ANKFN1: variants seen among roughly 807,000 people sequenced by gnomAD.
The protein encoded by ANKFN1 is ankyrin repeat and fibronectin type-III domain-containing protein 1.
Under a neutral mutation model 108.7 loss-of-function variants are expected in ANKFN1, and 74 were observed. That is an observed-to-expected ratio of 0.68 (90% CI 0.56 to 0.83). The LOEUF (loss-of-function observed/expected upper bound fraction) is 0.83. ANKFN1 is among the 40% of genes least tolerant of loss of function. The probability of loss-of-function intolerance (pLI) is 0.00; values close to 1 mark genes in which losing one functional copy is unlikely to be tolerated. For missense variants in ANKFN1, 1,505 were observed against 1,382.3 expected (o/e 1.09, Z -1.41); for synonymous variants, 547 against 516.2 (o/e 1.06, Z -0.81).
intron 4 of ANKFN1, among the ~76,000 whole-genome samples, chr17:56,071,050 C>T (rs986183251): frequency 1.3e-5 from 2 of 152,186 alleles, no homozygotes; most frequent in East Asian, 3.9e-4. Flanking sequence ...GCATTTTTAA[C>T]ATTTTTGACT....
chr17:56,124,388 T>C (rs1281758002), intron 4 of ANKFN1, among the ~76,000 whole-genome samples: 1 of 152,220 alleles, frequency 6.6e-6, no homozygotes, highest in Non-Finnish European at 1.5e-5. Context: ...TATACGCCAC[T>C]GTAGCATATA....
intron 14 of ANKFN1, among the ~76,000 whole-genome samples, chr17:56,464,437 A>T (rs990778158): frequency 6.6e-6 from 1 of 152,216 alleles, no homozygotes; most frequent in Admixed American, 6.5e-5. Flanking sequence ...GGACACAGAG[A>T]CACAAAGATG....
chr17:56,393,889 G>T (rs969143767), intron 8 of ANKFN1, among the ~76,000 whole-genome samples: 17 of 152,188 alleles, frequency 1.1e-4, no homozygotes, highest in Non-Finnish European at 1.8e-4. Flanking sequence ...TCCTAGCCAA[G>T]CAGTGCAGGA....
At chr17:56,300,358 T>C (rs141758474) in intron 3 of ANKFN1, among the ~76,000 whole-genome samples, 70 of 152,310 alleles carry the variant, frequency 4.6e-4, no homozygotes, top group African/African-American at 1.6e-3. Flanking sequence ...AAGTTATTTC[T>C]CAGGAGTTGG....
chr17:56,390,919 C>T (rs1413869829), intron 8 of ANKFN1, among the ~76,000 whole-genome samples: 5 of 151,932 alleles, frequency 3.3e-5, no homozygotes, highest in East Asian at 1.9e-4. Context: ...ACCTTTTCTT[C>T]GAAGTAATAT....
At chr17:56,220,872 G>A (rs868215349) in intron 2 of ANKFN1, among the ~76,000 whole-genome samples, 9 of 54,844 alleles carry the variant, frequency 1.6e-4, no homozygotes, top group South Asian at 7.5e-4. Flanking sequence ...GGAAGGAAGG[G>A]AGGGAGGGAG....
intron 3 of ANKFN1, among the ~76,000 whole-genome samples, chr17:56,236,628 G>A (rs1598285210): frequency 6.6e-6 from 1 of 152,088 alleles, no homozygotes; most frequent in East Asian, 1.9e-4. Context: ...GAATCAGGTG[G>A]TCTGCAAACA....
At chr17:56,240,296 C>G (rs192966587) in intron 3 of ANKFN1, among the ~76,000 whole-genome samples, 22 of 152,160 alleles carry the variant, frequency 1.4e-4, no homozygotes, top group African/African-American at 4.3e-4. Flanking sequence ...TGATACCAAG[C>G]CATATGTGCC....
At chr17:56,263,200 T>C (rs1323120968) in intron 3 of ANKFN1, among the ~76,000 whole-genome samples, 1 of 152,188 alleles carries the variant, frequency 6.6e-6, no homozygotes, top group African/African-American at 2.4e-5. Flanking sequence ...ACAGTTTACA[T>C]AGGCAGCCTG....
In ANKFN1 at chr17:56,482,397, G is replaced by C. The variant is rs1330943563; in HGVS notation, c.2133G>C (p.Met711Ile). 5.0e-5 allele frequency: 81 copies of C among 1,612,192 alleles called. No individual in the cohort carries two copies. Among genetic ancestry groups the C allele is most frequent in the Non-Finnish European group, 6.7e-5 (79 of 1,179,132 alleles). The change falls in exon 18 of 21, where the codon ATG becomes ATC. Residue 711 changes from methionine to isoleucine, a missense_variant. Transcript: ENST00000682825. ...TCTACACACAGGAGGTGTTGGAAAT[G>C]GGTCACAATGTGTCCTTTCTTCTCC... is the stretch of plus-strand genomic sequence containing the variant. The part of the protein sequence containing the change: ...FRLYTQEVLE[M>I]GHNVSFLLLL...
At chr17:56,277,872 C>T (rs191114930) in intron 3 of ANKFN1, among the ~76,000 whole-genome samples, 4 of 152,208 alleles carry the variant, frequency 2.6e-5, no homozygotes, top group South Asian at 2.1e-4. Context: ...TACAGTATTT[C>T]GAATAATGAG....
chr17:56,404,919 T>A (rs1272504785), intron 8 of ANKFN1, among the ~76,000 whole-genome samples: 1 of 152,244 alleles, frequency 6.6e-6, no homozygotes, highest in Admixed American at 6.5e-5. Flanking sequence ...CTGCAGTGAT[T>A]GTTGTCTCTC....
chr17:56,075,670 G>A (rs1905173125), intron 4 of ANKFN1, among the ~76,000 whole-genome samples: 1 of 152,062 alleles, frequency 6.6e-6, no homozygotes, highest in African/African-American at 2.4e-5. Context: ...CCTGATCAAA[G>A]GCCTATTAGT....
chr17:56,311,651 G>A (rs1028305814), intron 3 of ANKFN1, among the ~76,000 whole-genome samples: 1 of 152,200 alleles, frequency 6.6e-6, no homozygotes, highest in Non-Finnish European at 1.5e-5. Flanking sequence ...CTGTGATAGT[G>A]ATACTTTTGC....
At chr17:56,483,710 A>G (rs1568040095) in intron 18 of ANKFN1, among the ~76,000 whole-genome samples, 2 of 152,054 alleles carry the variant, frequency 1.3e-5, no homozygotes, top group African/African-American at 2.4e-5. Flanking sequence ...TGGCCATACC[A>G]CTCCCAAGAG....
chr17:56,404,588 G>T lies in ANKFN1; in HGVS notation c.910+29874G>T, dbSNP rs190595752. On this transcript the variant is annotated intron_variant, in intron 8 of 20. Transcript: ENST00000682825. ...CTTGTACCACCTTTTGGATTTTCTT[G>T]CATTGGGCTTCACCTTTCTCTGGTG... 1.1e-4 allele frequency among the ~76,000 whole-genome samples: 17 copies of T among 152,074 alleles called. No individual in the cohort carries two copies. In the East Asian group the frequency reaches 3.1e-3, roughly 28 times the overall value.
intron 3 of ANKFN1, among the ~76,000 whole-genome samples, chr17:56,283,281 C>T (rs1001316521): frequency 2.0e-5 from 3 of 151,866 alleles, no homozygotes; most frequent in Non-Finnish European, 4.4e-5. Flanking sequence ...GACATGATCT[C>T]GAGGGAATGT....
intron 4 of ANKFN1, among the ~76,000 whole-genome samples, chr17:56,099,663 T>G (rs1905600773): frequency 6.6e-6 from 1 of 152,130 alleles, no homozygotes; most frequent in African/African-American, 2.4e-5. Context: ...CGAGTAGAAA[T>G]TCTCCAGGCA....
rs564250090 is a variant in ANKFN1, at chr17:56,447,239, A to T, written c.1100-1840A>T. Among the ~76,000 whole-genome samples the T allele has an allele frequency of 9.8e-5, 15 of 152,310 alleles. No individual in the cohort carries two copies. The South Asian group carries it at 3.1e-3, about 32-fold the overall frequency. On this transcript the variant is annotated intron_variant, in intron 10 of 20. Transcript: ENST00000682825. ...CTCTTTCTCAGAAAAAAAGAAAAAG[A>T]AAAAGAAAAACCTCACTTTACAAAG... is the stretch of plus-strand genomic sequence containing the variant.
Sources: allele counts gnomAD v4.1 joint callset (sites outside exome capture counted in the v4.1 genomes callset), GRCh38; gene constraint gnomAD v4.1.1; transcripts MANE v1.5; gene names NCBI Gene and HGNC (gene_info 2026-07-23, HGNC 2026-07-21).